Variants in EXOC4 observed in about 807,000 individuals in gnomAD.
EXOC4 encodes SEC8-like 1.
EXOC4 carries 71 observed loss-of-function variants against 107.2 expected under a neutral mutation model. The ratio of observed to expected loss-of-function variants is 0.66; its 90% confidence interval spans 0.55 to 0.81. The LOEUF is 0.81. Among genes scored for constraint, EXOC4 ranks in the 30% least tolerant of loss-of-function variants. The pLI is 0.00. For missense variants in EXOC4, 1,108 were observed against 1,189.6 expected, an observed-to-expected ratio of 0.93 and a Z score of 1.01; for synonymous variants, 456 against 441.2, an observed-to-expected ratio of 1.03 and a Z score of -0.42.
intron 10 of EXOC4, among the ~76,000 whole-genome samples, chr7:133,691,060 C>T (rs1345935901): frequency 6.6e-6 from 1 of 152,210 alleles, no homozygotes; most frequent in Non-Finnish European, 1.5e-5. Context: ...TGTTCATTCT[C>T]ACTTGCCTTC....
intron 2 of EXOC4, among the ~76,000 whole-genome samples, chr7:133,275,840 G>C (rs1289202191): frequency 4.0e-5 from 6 of 149,786 alleles, no homozygotes; most frequent in African/African-American, 1.5e-4. Flanking sequence ...TAGAGTTGGA[G>C]CCTTGCTCTG....
chr7:133,701,929 A>G (rs560050211), intron 10 of EXOC4, among the ~76,000 whole-genome samples: 3 of 149,936 alleles, frequency 2.0e-5, no homozygotes, highest in Non-Finnish European at 4.4e-5. Context: ...CATGGGGACA[A>G]TCTGTGGTTG....
chr7:133,467,899 G>A (rs966185822), intron 7 of EXOC4, among the ~76,000 whole-genome samples: 1 of 151,770 alleles, frequency 6.6e-6, no homozygotes, highest in African/African-American at 2.4e-5. Context: ...TTTTTGTCCT[G>A]ATGTTTTACC....
rs1057162902 is a variant in EXOC4 at position 133,743,060 on chromosome 7, A to G, written c.1515-74265A>G. Among the ~76,000 whole-genome samples the G allele has an allele frequency of 2.6e-5, 4 of 152,276 alleles. No individual in the cohort carries two copies. In the East Asian group the frequency reaches 7.7e-4, roughly 29 times the overall value. On this transcript the variant is annotated intron_variant, in intron 10 of 17. Transcript: ENST00000253861. ...TACATGTGTGCTTCTGAAAAAGAAG[A>G]ACAGAATATTGGGTCTCATAATTAT...
chr7:133,845,795 C>A (rs1267019271), intron 11 of EXOC4, among the ~76,000 whole-genome samples: 1 of 152,098 alleles, frequency 6.6e-6, no homozygotes, highest in Non-Finnish European at 1.5e-5. Flanking sequence ...TATAATCATG[C>A]CATGAACACA....
chr7:133,674,760 A>G (rs1353885934), intron 10 of EXOC4, among the ~76,000 whole-genome samples: 1 of 152,224 alleles, frequency 6.6e-6, no homozygotes, highest in Non-Finnish European at 1.5e-5. Context: ...CATAAAATGT[A>G]CTATAATAAA....
At chr7:133,350,193 A>C (rs1305510951) in intron 5 of EXOC4, among the ~76,000 whole-genome samples, 1 of 151,722 alleles carries the variant, frequency 6.6e-6, no homozygotes, top group African/African-American at 2.4e-5. Context: ...GTCCAATTTG[A>C]TTTTTTCTTT....
At chr7:133,413,849 A>G (rs1010796477) in intron 7 of EXOC4, among the ~76,000 whole-genome samples, 2 of 152,092 alleles carry the variant, frequency 1.3e-5, no homozygotes, top group Non-Finnish European at 2.9e-5. Flanking sequence ...TGATCAGTGA[A>G]GGGGGTATAA....
chr7:133,933,319 C>A (rs1800223998), intron 13 of EXOC4, among the ~76,000 whole-genome samples: 1 of 152,056 alleles, frequency 6.6e-6, no homozygotes, highest in Non-Finnish European at 1.5e-5. Flanking sequence ...GTTTAACATT[C>A]TTCTTTAGTT....
At chr7:133,893,406 G>A (rs1299669303) in intron 11 of EXOC4, among the ~76,000 whole-genome samples, 2 of 79,608 alleles carry the variant, frequency 2.5e-5, no homozygotes, top group Non-Finnish European at 4.3e-5. Flanking sequence ...TCTTTTAATT[G>A]GAGAATTTAG....
chr7:133,561,531 C>T (rs1228522437), intron 9 of EXOC4, among the ~76,000 whole-genome samples: 1 of 152,168 alleles, frequency 6.6e-6, no homozygotes, highest in Non-Finnish European at 1.5e-5. Context: ...AATGCTATTT[C>T]TTGATTGCCT....
intron 9 of EXOC4, among the ~76,000 whole-genome samples, chr7:133,571,458 T>G (rs1801021837): frequency 6.6e-6 from 1 of 152,166 alleles, no homozygotes; most frequent in African/African-American, 2.4e-5. Flanking sequence ...GCGGATCACC[T>G]GAGGTCAGGA....
chr7:134,048,136 G>A (rs1014220369), intron 17 of EXOC4, among the ~76,000 whole-genome samples: 1 of 152,152 alleles, frequency 6.6e-6, no homozygotes, highest in Non-Finnish European at 1.5e-5. Context: ...TATTAATTTG[G>A]GTGGTGCCAG....
intron 10 of EXOC4, among the ~76,000 whole-genome samples, chr7:133,647,813 A>G (rs1006985014): frequency 6.6e-6 from 1 of 152,164 alleles, no homozygotes; most frequent in Non-Finnish European, 1.5e-5. Flanking sequence ...CAGCCTAATT[A>G]GAGCCATCAT....
At chr7:133,639,857 T>C (rs1802808746) in intron 10 of EXOC4, among the ~76,000 whole-genome samples, 1 of 152,090 alleles carries the variant, frequency 6.6e-6, no homozygotes, top group Admixed American at 6.6e-5. Context: ...TACCACATTG[T>C]AAATACATGA....
rs1794186890 is a variant in EXOC4 at position 133,989,091 on chromosome 7, G to T, written c.2207-8401G>T. Among the ~76,000 whole-genome samples, 3 of 152,128 alleles carry T rather than the reference G, an allele frequency of 2.0e-5. 1 individual carries two copies. In the South Asian group the frequency reaches 6.2e-4, roughly 32 times the overall value. On this transcript the variant is annotated intron_variant, in intron 14 of 17. Coordinates refer to ENST00000253861, the MANE Select transcript of EXOC4 (RefSeq NM_021807.4). ...TGGGGTCCAAACCAAGAAAGTGGCA[G>T]TAGATAACAGAAAAGAAAAAATAAA... is the stretch of plus-strand genomic sequence containing the variant.
intron 17 of EXOC4, among the ~76,000 whole-genome samples, chr7:134,050,103 A>G (rs558017690): frequency 6.6e-6 from 1 of 152,342 alleles, no homozygotes; most frequent in East Asian, 1.9e-4. Flanking sequence ...TTGTGTGTTT[A>G]TATACACACA....
chr7:133,380,510 C>T (rs1356721011), intron 7 of EXOC4, among the ~76,000 whole-genome samples: 1 of 151,928 alleles, frequency 6.6e-6, no homozygotes, highest in African/African-American at 2.4e-5. Flanking sequence ...AGCAGTCACT[C>T]CTCATATCCC....
intron 10 of EXOC4, among the ~76,000 whole-genome samples, chr7:133,778,383 A>G (rs1796389872): frequency 2.0e-5 from 3 of 152,204 alleles, no homozygotes; most frequent in Admixed American, 6.5e-5. Context: ...TGAGCCCAGG[A>G]GTTCGAGACC....
Sources: gnomAD v4.1 joint callset for allele counts (sites outside exome capture counted in the v4.1 genomes callset) on GRCh38, gnomAD v4.1.1 for gene constraint, MANE v1.5 for transcripts, NCBI Gene and HGNC (gene_info 2026-07-23, HGNC 2026-07-21) for gene names.